NRIP1: variants seen among roughly 807,000 people sequenced by gnomAD.
The protein encoded by NRIP1 is nuclear receptor interacting protein 1.
A neutral mutation model predicts 75.0 loss-of-function variants in NRIP1; 28 were observed. The ratio of observed to expected loss-of-function variants is 0.37; its 90% CI spans 0.28 to 0.51. NRIP1 has a LOEUF of 0.51. Ranked by LOEUF, NRIP1 falls within the 20% of genes least tolerant of loss-of-function variation. The pLI is 0.92. For missense variants in NRIP1, 1,435 were observed against 1,343.7 expected (o/e 1.07, Z -1.06); for synonymous variants, 526 against 487.6 (o/e 1.08, Z -1.04).
intron 2 of NRIP1, among the ~76,000 whole-genome samples, chr21:15,022,292 C>G (rs2088395950): frequency 6.6e-6 from 1 of 152,154 alleles, no homozygotes; most frequent in Non-Finnish European, 1.5e-5. Context: ...GAACAGAAAA[C>G]CAAGCACTGT....
In NRIP1 at chr21:14,965,018, G is replaced by A; in HGVS notation, c.3175C>T (p.Pro1059Ser). 1 of 1,613,870 alleles carries A rather than the reference G, an allele frequency of 6.2e-7. No individual in the cohort carries two copies. The highest frequency in any genetic ancestry group is 8.5e-7 in the Non-Finnish European group (1 of 1,179,888). Reference sequence around the variant, plus strand: ...ATTGGGTTGGTTTTGGTCAATCTTGGAGAGTCTTTTTCATACTCATTCTTC... The same window carrying A: ...ATTGGGTTGGTTTTGGTCAATCTTGAAGAGTCTTTTTCATACTCATTCTTC... ...AEKNEYEKDSPRLTKTNPILY... is the reference protein window; with the variant it reads ...AEKNEYEKDSSRLTKTNPILY... Residue 1059 changes from proline (P) to serine (S), a missense_variant, in exon 4 of 4, where the codon CCA becomes TCA. By Grantham distance (74) the Pro-to-Ser change is moderately conservative. Transcript: ENST00000318948.
At chr21:14,983,219 A>T (rs1238591658) in intron 3 of NRIP1, among the ~76,000 whole-genome samples, 1 of 152,192 alleles carries the variant, frequency 6.6e-6, no homozygotes, top group Non-Finnish European at 1.5e-5. Context: ...ATACAAAAAA[A>T]AAAAACAATT....
intron 2 of NRIP1, among the ~76,000 whole-genome samples, chr21:15,033,664 T>C (rs1412470313): frequency 6.6e-6 from 1 of 152,228 alleles, no homozygotes; most frequent in Non-Finnish European, 1.5e-5. Context: ...CACTAGTAAA[T>C]ACCTGTTACA....
At chr21:15,006,118 T>A (rs190914668) in intron 3 of NRIP1, among the ~76,000 whole-genome samples, 22 of 152,280 alleles carry the variant, frequency 1.4e-4, no homozygotes, top group African/African-American at 4.8e-4. Flanking sequence ...GAAAATTACA[T>A]TATAGCATGT....
At position 14,967,615 on chromosome 21, in the gene NRIP1, T is replaced by C. The variant is rs778696204; in HGVS notation, c.578A>G (p.Lys193Arg). The stretch of plus-strand genomic sequence containing the variant: ...CGTATCAGGCTTTTGATCTTTAACT[T>C]TACTTTTCTTCAACAAAGTTTTTAA... ...SHLKTLLKKS[K>R]VKDQKPDTNL... Residue 193 changes from lysine (K) to arginine (R), a missense_variant, in exon 4 of 4, where the codon AAA (lysine) becomes AGA (arginine). Physicochemically the swap from Lys to Arg is conservative, Grantham distance 26. Coordinates refer to ENST00000318948, the MANE Select transcript of NRIP1 (RefSeq NM_003489.4). 2 of 1,613,740 alleles carry C rather than the reference T, an allele frequency of 1.2e-6. No homozygotes were observed. The highest frequency in any genetic ancestry group is 1.7e-6 in the Non-Finnish European group (2 of 1,179,936).
chr21:14,974,416 A>G (rs1476871930), intron 3 of NRIP1: 2 of 152,194 alleles, frequency 1.3e-5, no homozygotes, highest in Non-Finnish European at 2.9e-5. Flanking sequence ...GATGTTGAAA[A>G]GATGACAGAA....
chr21:14,981,330 A>T (rs973544438), intron 3 of NRIP1, among the ~76,000 whole-genome samples: 3 of 152,222 alleles, frequency 2.0e-5, no homozygotes, highest in African/African-American at 7.2e-5. Context: ...TTGCCCATCT[A>T]TCCATACAAC....
chr21:15,010,968 T>C (rs905705817), intron 3 of NRIP1, among the ~76,000 whole-genome samples: 7 of 152,208 alleles, frequency 4.6e-5, no homozygotes, highest in Non-Finnish European at 1.5e-5. Flanking sequence ...CGGCAATTAA[T>C]TCCAACTAGG....
chr21:15,006,732 C>A (rs1465589803), intron 3 of NRIP1, among the ~76,000 whole-genome samples: 2 of 152,100 alleles, frequency 1.3e-5, no homozygotes, highest in African/African-American at 4.8e-5. Context: ...GTATGTTTTC[C>A]TGAACAGGAC....
chr21:15,065,815 C>G (rs144320921), upstream of NRIP1: 1 of 152,552 alleles, frequency 6.6e-6, no homozygotes, highest in East Asian at 1.9e-4. Context: ...AAGTCTCCAG[C>G]GGAGTCTGTC....
chr21:15,035,211 C>CT (rs2088803981), intron 2 of NRIP1, among the ~76,000 whole-genome samples: 1 of 152,132 alleles, frequency 6.6e-6, no homozygotes, highest in African/African-American at 2.4e-5. Context: ...GAAATATACC[C>CT]TTTGTTTTAA....
intron 2 of NRIP1, among the ~76,000 whole-genome samples, chr21:15,024,493 G>A (rs1004629885): frequency 6.6e-6 from 1 of 152,056 alleles, no homozygotes; most frequent in Non-Finnish European, 1.5e-5. Flanking sequence ...AGTGAGCTGA[G>A]AACGCATCAC....
At chr21:15,024,787 A>G (rs974691046) in intron 2 of NRIP1, among the ~76,000 whole-genome samples, 2 of 152,106 alleles carry the variant, frequency 1.3e-5, no homozygotes, top group Admixed American at 1.3e-4. Flanking sequence ...TGTATGTGTT[A>G]TTTTAAAATT....
intron 3 of NRIP1, among the ~76,000 whole-genome samples, chr21:15,009,174 T>A (rs775406437): frequency 2.0e-5 from 3 of 152,204 alleles, no homozygotes; most frequent in Non-Finnish European, 4.4e-5. Flanking sequence ...CTGTGCAGAA[T>A]GTCCCTAAGA....
intron 3 of NRIP1, among the ~76,000 whole-genome samples, chr21:14,980,192 TTAAATA>T (rs1211042854): frequency 6.6e-6 from 1 of 152,148 alleles, no homozygotes; most frequent in African/African-American, 2.4e-5. Flanking sequence ...GAATATATTA[TTAAATA>T]TATTAGTGCA....
chr21:15,032,976 A>G (rs2088743333), intron 2 of NRIP1, among the ~76,000 whole-genome samples: 1 of 152,230 alleles, frequency 6.6e-6, no homozygotes, highest in Admixed American at 6.5e-5. Context: ...CTGTAATCTC[A>G]GCACTTCGGG....
At chr21:15,006,305 T>C (rs558069250) in intron 3 of NRIP1, among the ~76,000 whole-genome samples, 2 of 152,302 alleles carry the variant, frequency 1.3e-5, no homozygotes, top group South Asian at 4.1e-4. Context: ...AAAGAGAAAG[T>C]ATTAATGCCA....
At chr21:15,041,289 A>C (rs931079747) in intron 2 of NRIP1, among the ~76,000 whole-genome samples, 2 of 152,174 alleles carry the variant, frequency 1.3e-5, no homozygotes, top group Non-Finnish European at 2.9e-5. Flanking sequence ...AGGCAAAACT[A>C]ATCTATAGTA....
chr21:14,967,099 G>A lies in NRIP1; in HGVS notation c.1094C>T (p.Ser365Leu), dbSNP rs1426337928. The A allele has an allele frequency of 1.2e-6, 2 of 1,613,898 alleles. No homozygotes were observed. The highest frequency in any genetic ancestry group is 1.7e-6 in the Non-Finnish European group (2 of 1,179,976). Residue 365 changes from serine (S) to leucine (L), a missense_variant, in exon 4 of 4, where the codon TCA (serine) becomes TTA (leucine). Transcript: ENST00000318948. The stretch of plus-strand genomic sequence containing the variant: ...TTGTTTTATATTGTTTCTTTCCAGT[G>A]AGTTCTTATAACCTGCATTTTTAGG... ...SSPKNAGYKNSLERNNIKQAA... is the reference protein window; with the variant it reads ...SSPKNAGYKNLLERNNIKQAA...
Sources: allele counts gnomAD v4.1 joint callset (sites outside exome capture counted in the v4.1 genomes callset), GRCh38; gene constraint gnomAD v4.1.1; transcripts MANE v1.5; gene names NCBI Gene and HGNC (gene_info 2026-07-23, HGNC 2026-07-21).